GRIK1: variants seen among roughly 807,000 people sequenced by gnomAD.
GRIK1 encodes the protein glutamate receptor ionotropic, kainate 1.
Under a neutral mutation model 105.7 loss-of-function variants are expected in GRIK1, and 69 were observed. The observed-to-expected ratio is 0.65, with a 90% confidence interval of 0.54 to 0.80. The LOEUF is 0.80. Ranked by LOEUF, GRIK1 falls within the 30% of genes least tolerant of loss-of-function variation. GRIK1 has a pLI of 0.00. For missense variants in GRIK1, 1,109 were observed against 1,167.3 expected (o/e 0.95, Z 0.73); for synonymous variants, 438 against 431.3 (o/e 1.02, Z -0.19).
intron 9 of GRIK1, among the ~76,000 whole-genome samples, chr21:29,594,527 G>C (rs2061376248): frequency 6.6e-6 from 1 of 152,182 alleles, no homozygotes; most frequent in South Asian, 2.1e-4. Flanking sequence ...GTGGGGAGGA[G>C]CACTCAATAT....
At chr21:29,698,384 A>G (rs1035570174) in intron 1 of GRIK1, among the ~76,000 whole-genome samples, 35 of 152,172 alleles carry the variant, frequency 2.3e-4, no homozygotes, top group African/African-American at 6.5e-4. Context: ...TGTATTTTTG[A>G]AATTTCCCAA....
intron 3 of GRIK1, among the ~76,000 whole-genome samples, chr21:29,676,573 CCT>C (rs953571058): frequency 1.9e-4 from 29 of 152,190 alleles, no homozygotes; most frequent in African/African-American, 7.0e-4. Flanking sequence ...CTTTGCTAAT[CCT>C]CTCTCGTGTG....
intron 1 of GRIK1, among the ~76,000 whole-genome samples, chr21:29,751,611 A>T (rs888557091): frequency 6.6e-6 from 1 of 152,198 alleles, no homozygotes; most frequent in Non-Finnish European, 1.5e-5. Context: ...TGCATGCTCC[A>T]TAAGTCCTTC....
chr21:29,688,588 T>C (rs76004189), intron 3 of GRIK1, among the ~76,000 whole-genome samples: 1,639 of 152,342 alleles, frequency 0.011, 41 homozygotes, highest in African/African-American at 0.037. Context: ...GTTTCCTCTA[T>C]GTCAGGTTTA....
intron 1 of GRIK1, among the ~76,000 whole-genome samples, chr21:29,852,571 G>T (rs2068341302): frequency 6.6e-6 from 1 of 152,068 alleles, no homozygotes; most frequent in South Asian, 2.1e-4. Flanking sequence ...TCTTCCTAGT[G>T]GGCACATTGT....
intron 1 of GRIK1, among the ~76,000 whole-genome samples, chr21:29,826,693 C>G (rs140373909): frequency 1.3e-5 from 2 of 151,326 alleles, no homozygotes; most frequent in African/African-American, 4.9e-5. Context: ...ATAGTATGAA[C>G]GTATATAAAT....
At chr21:29,689,101 G>A (rs1451937215) in intron 3 of GRIK1, among the ~76,000 whole-genome samples, 2 of 151,524 alleles carry the variant, frequency 1.3e-5, no homozygotes, top group Non-Finnish European at 2.9e-5. Flanking sequence ...TAAGCAGAAA[G>A]CAGAGGGGGG....
chr21:29,669,965 CCAGAA>C (rs1250364728), intron 4 of GRIK1, among the ~76,000 whole-genome samples: 3 of 152,098 alleles, frequency 2.0e-5, no homozygotes, highest in African/African-American at 7.2e-5. Flanking sequence ...CTTACTTTGA[CCAGAA>C]CAGAAAAGTT....
intron 1 of GRIK1, among the ~76,000 whole-genome samples, chr21:29,809,603 G>T (rs1308381900): frequency 6.6e-6 from 1 of 152,132 alleles, no homozygotes; most frequent in African/African-American, 2.4e-5. Context: ...AGGCTGTTTT[G>T]CTTTCTTATC....
intron 1 of GRIK1, among the ~76,000 whole-genome samples, chr21:29,817,840 T>G (rs1414309768): frequency 1.3e-5 from 2 of 152,152 alleles, no homozygotes; most frequent in Non-Finnish European, 2.9e-5. Context: ...CAGAACCTGT[T>G]ATGTGCCCAA....
At chr21:29,905,582 ATTACAAACAC>A (rs1354742601) in intron 1 of GRIK1, among the ~76,000 whole-genome samples, 1 of 147,780 alleles carries the variant, frequency 6.8e-6, no homozygotes, top group Admixed American at 6.7e-5. Context: ...AGTAGCAGGG[ATTACAAACAC>A]GCACCATCAT....
At chr21:29,650,756 G>A (rs1601371597) in intron 6 of GRIK1, among the ~76,000 whole-genome samples, 2 of 152,136 alleles carry the variant, frequency 1.3e-5, no homozygotes, top group African/African-American at 4.8e-5. Context: ...AACACAAATC[G>A]GTTCTGCAAA....
At chr21:29,658,541 C>T (rs1174902151) in intron 4 of GRIK1, among the ~76,000 whole-genome samples, 2 of 152,186 alleles carry the variant, frequency 1.3e-5, no homozygotes, top group African/African-American at 2.4e-5. Flanking sequence ...GGATCACAGG[C>T]GTGAGCCACT....
At chr21:29,587,964 C>CTTTTTTT (rs568648777) in intron 11 of GRIK1, among the ~76,000 whole-genome samples, 2,259 of 65,386 alleles carry the variant, frequency 0.035, 475 homozygotes, top group East Asian at 0.097. Flanking sequence ...CTTTAAAATT[C>CTTTTTTT]TTTTTTTTTT....
chr21:29,785,497 G>A (rs2066233487), intron 1 of GRIK1, among the ~76,000 whole-genome samples: 1 of 145,690 alleles, frequency 6.9e-6, no homozygotes, highest in South Asian at 2.2e-4. Context: ...CTGGGAGGCA[G>A]AGGTTGCAGT....
intron 7 of GRIK1, among the ~76,000 whole-genome samples, chr21:29,599,903 G>C (rs2061486729): frequency 6.6e-6 from 1 of 152,146 alleles, no homozygotes; most frequent in South Asian, 2.1e-4. Context: ...TGGCTAACAC[G>C]GTGAAACCCC....
intron 1 of GRIK1, among the ~76,000 whole-genome samples, chr21:29,822,462 T>C (rs1244846449): frequency 2.6e-5 from 4 of 152,048 alleles, no homozygotes; most frequent in African/African-American, 9.7e-5. Flanking sequence ...ATTTTCTTTT[T>C]TGAAAACAAA....
intron 1 of GRIK1, among the ~76,000 whole-genome samples, chr21:29,845,497 T>C (rs1290202525): frequency 2.0e-5 from 3 of 152,186 alleles, no homozygotes; most frequent in Non-Finnish European, 2.9e-5. Flanking sequence ...CAAATGTTTA[T>C]ATTACTCTCA....
intron 12 of GRIK1, among the ~76,000 whole-genome samples, chr21:29,585,823 T>C (rs2091118530): frequency 6.6e-6 from 1 of 152,240 alleles, no homozygotes; most frequent in Admixed American, 6.5e-5. Context: ...ACAATTTATT[T>C]TTAAAAATTT....
Sources: gnomAD v4.1 joint callset for allele counts (sites outside exome capture counted in the v4.1 genomes callset) on GRCh38, gnomAD v4.1.1 for gene constraint, MANE v1.5 for transcripts, NCBI Gene and HGNC (gene_info 2026-07-23, HGNC 2026-07-21) for gene names.